LGR5: variants seen among roughly 807,000 people sequenced by gnomAD.
LGR5 encodes leucine rich repeat containing G protein-coupled receptor 5.
A neutral mutation model predicts 76.7 loss-of-function variants in LGR5; 54 were observed. That is an observed-to-expected ratio of 0.70 (90% CI 0.57 to 0.88). LGR5 has a LOEUF of 0.88. Ranked by LOEUF, LGR5 falls within the 40% of genes least tolerant of loss-of-function variation. The pLI, the probability that LGR5 is intolerant of heterozygous loss-of-function variation, is 0.00. For synonymous variants in LGR5, 406 were observed against 421.9 expected, an observed-to-expected ratio of 0.96 and a Z score of 0.46; for missense variants, 1,078 against 1,073.3, an observed-to-expected ratio of 1.00 and a Z score of -0.06.
rs543669304 is a variant in LGR5, at chr12:71,464,096, G to A, written c.212+23804G>A. Among the ~76,000 whole-genome samples, 6 of 152,290 alleles carry A rather than the reference G, an allele frequency of 3.9e-5. No individual in the cohort carries two copies. The South Asian group carries it at 6.2e-4, about 16-fold the overall frequency. ...GTTTATAAAAGATTCTTTAAATCAT[G>A]TATGTTGTATTCCTTCACAATACTT... On this transcript the variant is annotated intron_variant, in intron 1 of 17. Coordinates refer to ENST00000266674, the MANE Select transcript of LGR5 (RefSeq NM_003667.4).
chr12:71,563,240 G>A (rs1029015910), intron 8 of LGR5, among the ~76,000 whole-genome samples: 5 of 152,090 alleles, frequency 3.3e-5, no homozygotes, highest in African/African-American at 9.6e-5. Context: ...TTCAAAGCCC[G>A]CATTTCTGTG....
At chr12:71,490,342 T>C (rs1025984963) in intron 1 of LGR5, among the ~76,000 whole-genome samples, 16 of 152,234 alleles carry the variant, frequency 1.1e-4, no homozygotes, top group Admixed American at 7.2e-4. Context: ...TAACAAAAAG[T>C]ATTAATTCAG....
In LGR5 at chr12:71,584,069, C is replaced by T. The variant is rs1879209300; in HGVS notation, c.2059C>T (p.Leu687Phe). 6.2e-7 allele frequency: 1 copy of T among 1,614,204 alleles called. No individual in the cohort carries two copies. Among genetic ancestry groups the T allele is most frequent in the Non-Finnish European group, 8.5e-7 (1 of 1,180,044 alleles). The change falls in exon 18 of 18, where the codon CTC becomes TTC. Residue 687 changes from leucine to phenylalanine, a missense_variant. Leu to Phe is a conservative substitution (Grantham distance 22). Coordinates refer to ENST00000266674, the MANE Select transcript of LGR5 (RefSeq NM_003667.4). ...PFSSLKVIIL[L>F]CALLALTMAA... ...TTCTAGCCTGAAAGTAATCATTTTG[C>T]TCTGTGCCCTGCTGGCCTTGACCAT...
rs908019427 is a variant in LGR5, at chr12:71,582,628, G to T, written c.1636+89G>T. The stretch of plus-strand genomic sequence containing the variant: ...ACAATACAGCTATACTTTAAAAGCC[G>T]AATCTGTGCCAACTTTGCAGCTCAT... On this transcript the variant is annotated intron_variant, in intron 17 of 17. Coordinates refer to ENST00000266674, the MANE Select transcript of LGR5 (RefSeq NM_003667.4). 1.9e-5 allele frequency: 19 copies of T among 976,010 alleles called. No homozygotes were observed. The African/African-American group carries it at 2.4e-4, about 12-fold the overall frequency. The allele number at this position is 976,010 out of a possible 1,614,324, so 60.5% of individuals were successfully genotyped here. A position where few individuals can be genotyped will look rare whatever the true frequency, so the allele number is the denominator to read the frequency against.
chr12:71,489,678 T>G (rs1873979304), intron 1 of LGR5, among the ~76,000 whole-genome samples: 1 of 152,190 alleles, frequency 6.6e-6, no homozygotes, highest in Non-Finnish European at 1.5e-5. Flanking sequence ...CCCTTCTTGA[T>G]GGGATTTCCA....
intron 13 of LGR5, among the ~76,000 whole-genome samples, chr12:71,577,551 T>C (rs766252781): frequency 3.1e-4 from 47 of 152,226 alleles, no homozygotes; most frequent in Non-Finnish European, 1.2e-4. Context: ...GGACATTTTA[T>C]AATTTAACAC....
At chr12:71,541,010 C>T (rs2163901) in intron 4 of LGR5, among the ~76,000 whole-genome samples, 77,424 of 151,946 alleles carry the variant, frequency 0.51, 20,262 homozygotes, top group East Asian at 0.83. Context: ...GTATTAGGTA[C>T]GTATTGGGAT....
intron 1 of LGR5, among the ~76,000 whole-genome samples, chr12:71,466,931 T>A (rs1007545232): frequency 1.3e-5 from 2 of 151,982 alleles, no homozygotes; most frequent in Non-Finnish European, 2.9e-5. Context: ...ATAATGAGAG[T>A]TACCAAGAAG....
At position 71,584,110 on chromosome 12, in the gene LGR5, G is replaced by A; in HGVS notation, c.2100G>A (p.Leu700=). Residue 700 remains leucine (L), a synonymous_variant, in exon 18 of 18, where the codon CTG becomes CTA. Coordinates refer to ENST00000266674, the MANE Select transcript of LGR5 (RefSeq NM_003667.4). ...CCTTGACCATGGCCGCAGTTCCCCT[G>A]CTGGGTGGCAGCAAGTATGGCGCCT... The part of the protein sequence containing the change: ...LLALTMAAVP[L]LGGSKYGASP... 6.2e-7 allele frequency: 1 copy of A among 1,614,176 alleles called. No homozygotes were observed.
In LGR5 at chr12:71,556,701, C is replaced by G; in HGVS notation, c.716+11C>G. ...CAGCCTAGAGACTTTGTGAGTTGAC[C>G]TTTTATTTGTTTCCCTTTTTTCAGT... On this transcript the variant is annotated intron_variant, in intron 6 of 17. Transcript: ENST00000266674. 2 of 1,590,156 alleles carry G rather than the reference C, an allele frequency of 1.3e-6. No homozygotes were observed. Among genetic ancestry groups the G allele is most frequent in the Non-Finnish European group, 1.7e-6 (2 of 1,158,404 alleles).
intron 1 of LGR5, among the ~76,000 whole-genome samples, chr12:71,491,045 C>G (rs777827441): frequency 6.6e-6 from 1 of 152,088 alleles, no homozygotes; most frequent in Non-Finnish European, 1.5e-5. Flanking sequence ...GAGATCTGAT[C>G]GTTTTATAAA....
chr12:71,543,344 G>A (rs187901496), intron 4 of LGR5, among the ~76,000 whole-genome samples: 80 of 152,276 alleles, frequency 5.3e-4, no homozygotes, highest in Non-Finnish European at 1.0e-3. Context: ...GCCAGAATTA[G>A]TTTTCCCATT....
intron 8 of LGR5, among the ~76,000 whole-genome samples, chr12:71,563,473 G>A (rs899056245): frequency 3.9e-5 from 6 of 152,300 alleles, no homozygotes; most frequent in Admixed American, 1.3e-4. Flanking sequence ...TGAAATGTGC[G>A]TTCAGGATGT....
intron 1 of LGR5, among the ~76,000 whole-genome samples, chr12:71,477,031 A>G (rs928238857): frequency 6.6e-6 from 1 of 152,194 alleles, no homozygotes; most frequent in African/African-American, 2.4e-5. Context: ...CAGGTACATT[A>G]ACAAATTTGT....
chr12:71,517,895 TC>T (rs1187787976), intron 2 of LGR5, among the ~76,000 whole-genome samples: 1 of 152,206 alleles, frequency 6.6e-6, no homozygotes, highest in African/African-American at 2.4e-5. Context: ...ACGTTGCTCC[TC>T]TTTGACTGCC....
intron 1 of LGR5, among the ~76,000 whole-genome samples, chr12:71,485,747 C>G (rs957776057): frequency 6.6e-6 from 1 of 151,566 alleles, no homozygotes; most frequent in Non-Finnish European, 1.5e-5. Context: ...AAAAAGAAAT[C>G]TGATTGGCTT....
At chr12:71,459,417 AG>A (rs1872606503) in intron 1 of LGR5, among the ~76,000 whole-genome samples, 1 of 152,154 alleles carries the variant, frequency 6.6e-6, no homozygotes, top group African/African-American at 2.4e-5. Context: ...CCAGAAGCTG[AG>A]GGCCAGGTAC....
chr12:71,529,592 T>C (rs1175597327), intron 3 of LGR5, among the ~76,000 whole-genome samples: 3 of 152,204 alleles, frequency 2.0e-5, no homozygotes, highest in African/African-American at 4.8e-5. Context: ...TCTACTCTCA[T>C]GTTCCCATTC....
At chr12:71,524,230 A>T (rs1875867651) in intron 2 of LGR5, among the ~76,000 whole-genome samples, 176 bp from the exon 3 acceptor site, 1 of 152,250 alleles carries the variant, frequency 6.6e-6, no homozygotes, top group Non-Finnish European at 1.5e-5. Flanking sequence ...ACTTTTGCCA[A>T]CATTTTAATT....
Sources: gnomAD v4.1 joint callset for allele counts (sites outside exome capture counted in the v4.1 genomes callset) on GRCh38, gnomAD v4.1.1 for gene constraint, MANE v1.5 for transcripts, NCBI Gene and HGNC (gene_info 2026-07-23, HGNC 2026-07-21) for gene names.